Variants in NFXL1 observed in about 807,000 individuals in gnomAD.
NFXL1 encodes the protein nuclear transcription factor, X-box binding like 1, also known as NF-X1-type zinc finger protein NFXL1.
A neutral mutation model predicts 123.3 loss-of-function variants in NFXL1; 66 were observed. That is an observed-to-expected ratio of 0.54 (90% CI 0.44 to 0.66). The LOEUF (loss-of-function observed/expected upper bound fraction) is 0.66, where lower values mean the gene tolerates loss of function less well. Ranked by LOEUF, NFXL1 falls within the 30% of genes least tolerant of loss-of-function variation. NFXL1 has a pLI of 0.00. For missense variants in NFXL1, 944 were observed against 1,125.6 expected (o/e 0.84, Z 2.31); for synonymous variants, 346 against 360.8 (o/e 0.96, Z 0.46).
chr4:47,875,152 T>A lies in NFXL1; in HGVS notation c.2221A>T (p.Ile741Phe). The A allele has an allele frequency of 6.2e-7, 1 of 1,611,946 alleles. No homozygotes were observed. The change falls in exon 18 of 23, where the codon ATC becomes TTC. Residue 741 changes from isoleucine to phenylalanine, a missense_variant. Physicochemically the swap from Ile to Phe is conservative, Grantham distance 21. Around this residue, in one of 4 missense-constraint regions of NFXL1, gnomAD observed 301 missense variants for 348.0 expected, o/e 0.86. Transcript: ENST00000507489. Reference sequence around the variant, plus strand: ...CTACATTCCACATACAGGCTTGTGATCTTACAGTGACATTTTATTCTAAGC... The same window carrying A: ...CTACATTCCACATACAGGCTTGTGAACTTACAGTGACATTTTATTCTAAGC... ...QMLRIKCHCK[I>F]TSLYVECRKI... is the part of the protein sequence containing the mutation.
intron 5 of NFXL1, among the ~76,000 whole-genome samples, chr4:47,902,396 A>G (rs553582699): frequency 3.3e-5 from 5 of 152,244 alleles, no homozygotes; most frequent in East Asian, 1.9e-4. Flanking sequence ...AAATATAACA[A>G]AAGTTCTCCA....
intron 11 of NFXL1, among the ~76,000 whole-genome samples, chr4:47,893,023 A>C (rs1578029665): frequency 6.6e-6 from 1 of 152,172 alleles, no homozygotes; most frequent in Non-Finnish European, 1.5e-5. Flanking sequence ...AACACGGAAG[A>C]TATAAAAAAG....
chr4:47,878,622 T>C lies in NFXL1; in HGVS notation c.1982A>G (p.Lys661Arg). 1 of 1,605,548 alleles carries C rather than the reference T, an allele frequency of 6.2e-7. No homozygotes were observed. The highest frequency in any genetic ancestry group is 8.5e-7 in the Non-Finnish European group (1 of 1,175,126). ...PCHAVGPYSC[K>R]RVCGRILDCQ... ...ATCCAAGATTCTTCCACAAACTCTT[T>C]TACAAGAGTAGGGTCCTACAGCATG... The change falls in exon 17 of 23, where the codon AAA (lysine) becomes AGA (arginine). Residue 661 changes from lysine to arginine, a missense_variant. Transcript: ENST00000507489.
intron 3 of NFXL1, among the ~76,000 whole-genome samples, chr4:47,909,530 C>T (rs958875269): frequency 5.9e-5 from 9 of 151,676 alleles, no homozygotes; most frequent in Admixed American, 3.9e-4. Flanking sequence ...TAACAGTATA[C>T]TAAAGTAAGA....
In NFXL1 at chr4:47,890,634, A is replaced by G; in HGVS notation, c.1522T>C (p.Cys508Arg). Residue 508 changes from cysteine to arginine, a missense_variant, in exon 12 of 23, where the codon TGT becomes CGT. Physicochemically the swap from Cys to Arg is radical, Grantham distance 180 (BLOSUM62 -3). Around this residue, in one of 4 missense-constraint regions of NFXL1, gnomAD observed 296 missense variants for 395.1 expected, o/e 0.75. Coordinates refer to ENST00000507489, the MANE Select transcript of NFXL1 (RefSeq NM_001278624.2). Reference sequence around the variant, plus strand: ...TTACCTCTGTGACAGACAGATGGACACTTATGGTTTCTACATCCTAAAGTC... The same window carrying G: ...TTACCTCTGTGACAGACAGATGGACGCTTATGGTTTCTACATCCTAAAGTC... ...GRTLGCRNHKCPSVCHRGSCY... is the reference protein window; with the variant it reads ...GRTLGCRNHKRPSVCHRGSCY... 2 of 1,601,974 alleles carry G rather than the reference A, an allele frequency of 1.2e-6. No homozygotes were observed. Among genetic ancestry groups the G allele is most frequent in the Non-Finnish European group, 8.6e-7 (1 of 1,169,286 alleles).
At chr4:47,912,923 G>A (rs1169003287) in intron 2 of NFXL1, among the ~76,000 whole-genome samples, 1 of 148,222 alleles carries the variant, frequency 6.7e-6, no homozygotes, top group African/African-American at 2.5e-5. Flanking sequence ...TGAGGCCGGA[G>A]AACGGCCTGA....
At chr4:47,881,643 A>G (rs1352937462) in intron 15 of NFXL1, among the ~76,000 whole-genome samples, 1 of 152,204 alleles carries the variant, frequency 6.6e-6, no homozygotes, top group Non-Finnish European at 1.5e-5. Flanking sequence ...ATGTTCTTCT[A>G]TGGTAAATGG....
chr4:47,906,284 C>T (rs1181964219), intron 3 of NFXL1, among the ~76,000 whole-genome samples: 3 of 152,098 alleles, frequency 2.0e-5, no homozygotes, highest in African/African-American at 7.2e-5. Flanking sequence ...TTAACTGAGT[C>T]TTCAAAAAAA....
chr4:47,894,491 A>G (rs1363230559), intron 10 of NFXL1, among the ~76,000 whole-genome samples, 189 bp from the exon 11 acceptor site: 2 of 152,094 alleles, frequency 1.3e-5, no homozygotes, highest in African/African-American at 4.8e-5. Flanking sequence ...TCCAAAAAGG[A>G]CTTCATATAA....
rs1487546251 is a variant in NFXL1 at position 47,848,168 on chromosome 4, T to C, written c.2731A>G (p.Asn911Asp). 1 of 1,548,768 alleles carries C rather than the reference T, an allele frequency of 6.5e-7. No individual in the cohort carries two copies. Among genetic ancestry groups the C allele is most frequent in the African/African-American group, 1.4e-5 (1 of 72,776 alleles). The change falls in exon 23 of 23, where the codon AAT becomes GAT. Residue 911 changes from asparagine to aspartate, a missense_variant. This residue lies in a region of NFXL1 where 301 missense variants were observed against 348.0 expected (regional missense o/e 0.86). Coordinates refer to ENST00000507489, the MANE Select transcript of NFXL1 (RefSeq NM_001278624.2). ...TTAAAAGATCAAAACTTTTTTTAATTGACATCATGGGTGATGTACCAGGCA... is the reference window on the plus strand; with the variant it reads ...TTAAAAGATCAAAACTTTTTTTAATCGACATCATGGGTGATGTACCAGGCA... ...VFAWYITHDV[N>D] is the part of the protein sequence containing the mutation.
intron 3 of NFXL1, 41 bp from the exon 4 acceptor site, chr4:47,905,387 C>G: frequency 1.1e-6 from 1 of 951,840 alleles, no homozygotes; most frequent in Non-Finnish European, 1.7e-6. Flanking sequence ...TAAACAACAT[C>G]TGAAAATAAC....
At chr4:47,886,209 G>GA (rs1736419685) in intron 12 of NFXL1, among the ~76,000 whole-genome samples, 1 of 151,970 alleles carries the variant, frequency 6.6e-6, no homozygotes, top group African/African-American at 2.4e-5. Flanking sequence ...AAGTAAACAA[G>GA]AAAAAATGTA....
Position 47,878,725 on chromosome 4 carries a change from T to C in NFXL1, c.1939-60A>G, listed in dbSNP as rs2289434. The C allele has an allele frequency of 3.3e-4, 424 of 1,268,980 alleles. 3 individuals carry two copies. The East Asian group carries it at 0.01, about 31-fold the overall frequency. The allele number at this position is 1,268,980 out of a possible 1,614,324, so 78.6% of individuals were successfully genotyped here. On this transcript the variant is annotated intron_variant, in intron 16 of 22. Coordinates refer to ENST00000507489, the MANE Select transcript of NFXL1 (RefSeq NM_001278624.2). ...TACTCAAACGTTTCTGGACATATTA[T>C]ATGTTTCCAAAATTACTCTGCTATC...
In NFXL1 at chr4:47,878,827, T is replaced by C. The variant is rs994308223; in HGVS notation, c.1939-162A>G. The C allele has an allele frequency of 5.6e-6, 3 of 537,630 alleles. No homozygotes were observed. The African/African-American group carries it at 6.0e-5, about 11-fold the overall frequency. 33.3% of individuals were successfully genotyped at this position (537,630 alleles called of 1,614,324 possible). A position where few individuals can be genotyped will look rare whatever the true frequency, so the allele number is the denominator to read the frequency against. On this transcript the variant is annotated intron_variant, in intron 16 of 22. Transcript: ENST00000507489. ...TCAAAATCAAAGTAACCTGTCAAAA[T>C]ATTTCAAAGTAATGAATGCCAAGAA...
chr4:47,898,985 T>A lies in NFXL1; in HGVS notation c.962A>T (p.His321Leu), dbSNP rs746094601. The A allele has an allele frequency of 3.1e-6, 5 of 1,614,134 alleles. No individual in the cohort carries two copies. ...PCGQKLLCGQHKCENPCHAGS... is the reference protein window; with the variant it reads ...PCGQKLLCGQLKCENPCHAGS... Reference sequence around the variant, plus strand: ...TGCATGACAAGGATTTTCACACTTATGTTGCCCACAAAGCAACTTCTGTCC... The same window carrying A: ...TGCATGACAAGGATTTTCACACTTAAGTTGCCCACAAAGCAACTTCTGTCC... The change falls in exon 7 of 23, where the codon CAT becomes CTT. Residue 321 changes from histidine to leucine, a missense_variant. Physicochemically the swap from His to Leu is moderately conservative, Grantham distance 99. Coordinates refer to ENST00000507489, the MANE Select transcript of NFXL1 (RefSeq NM_001278624.2).
intron 10 of NFXL1, 115 bp downstream of exon 10, chr4:47,896,408 C>T (rs1299529564): frequency 2.3e-5 from 17 of 739,580 alleles, no homozygotes; most frequent in Non-Finnish European, 2.9e-5. Flanking sequence ...AATTCATATA[C>T]ATCATGACAC....
At chr4:47,909,298 A>G (rs908486851) in intron 3 of NFXL1, among the ~76,000 whole-genome samples, 1 of 152,198 alleles carries the variant, frequency 6.6e-6, no homozygotes, top group African/African-American at 2.4e-5. Context: ...CTGCTGTACA[A>G]TGCTGCTTTT....
chr4:47,879,115 TC>T lies in NFXL1; in HGVS notation c.1918del (p.Glu640AsnfsTer8). 1 of 1,354,960 alleles carries T rather than the reference TC, an allele frequency of 7.4e-7. No homozygotes were observed. The highest frequency in any genetic ancestry group is 9.9e-7 in the Non-Finnish European group (1 of 1,005,946). 83.9% of individuals were successfully genotyped at this position (1,354,960 alleles called of 1,614,324 possible). On this transcript the variant is annotated frameshift_variant and splice_region_variant, in exon 16 of 23. Transcript: ENST00000507489. LOFTEE classifies it high-confidence loss of function. The stretch of plus-strand genomic sequence containing the variant: ...ACTTACCTCATGTTTCCCAAGACAT[TC>T]CCTACAAGGAAAAAATAAAATAAAA... ...CPPCQVPIPM[E>X]CLGKHEVSPL...
intron 18 of NFXL1, among the ~76,000 whole-genome samples, chr4:47,868,342 A>G (rs1735225869): frequency 1.3e-5 from 2 of 151,834 alleles, no homozygotes; most frequent in East Asian, 1.9e-4. Context: ...ATAGAAAAGA[A>G]AAAGAAAAAA....
Sources: gnomAD v4.1 joint callset for allele counts (sites outside exome capture counted in the v4.1 genomes callset) on GRCh38, gnomAD v4.1.1 for gene constraint, gnomAD v4.1.1 regional missense constraint, MANE v1.5 for transcripts, NCBI Gene and HGNC (gene_info 2026-07-23, HGNC 2026-07-21) for gene names.